The following LCORL variants were observed in gnomAD, a reference collection of about 807,000 sequenced individuals.
LCORL encodes ligand dependent nuclear receptor corepressor like.
In LCORL, 41 loss-of-function variants were observed where a neutral mutation model predicts 141.8. The ratio of observed to expected loss-of-function variants is 0.29; its 90% CI spans 0.23 to 0.38. LCORL has a LOEUF of 0.38. LCORL is among the 10% of genes least tolerant of loss of function. The pLI, the probability that LCORL is intolerant of heterozygous loss-of-function variation, is 1.00. For synonymous variants in LCORL, 618 were observed against 694.1 expected, an observed-to-expected ratio of 0.89 and a Z score of 1.72; for missense variants, 1,759 against 2,035.0, an observed-to-expected ratio of 0.86 and a Z score of 2.61.
intron 5 of LCORL, among the ~76,000 whole-genome samples, chr4:17,890,871 GTT>G (rs998219450): frequency 2.3e-4 from 35 of 152,104 alleles, no homozygotes; most frequent in African/African-American, 7.9e-4. Flanking sequence ...TTTATAAACT[GTT>G]TTCTTTCCTG....
chr4:17,975,558 G>A (rs1044321842), intron 1 of LCORL, among the ~76,000 whole-genome samples: 2 of 151,946 alleles, frequency 1.3e-5, no homozygotes, highest in Non-Finnish European at 2.9e-5. Context: ...CATCACGCCC[G>A]GCTATTTTTG....
chr4:18,003,878 T>C (rs1438116308), intron 1 of LCORL, among the ~76,000 whole-genome samples: 1 of 152,214 alleles, frequency 6.6e-6, no homozygotes, highest in Non-Finnish European at 1.5e-5. Flanking sequence ...ACTCAGTTTA[T>C]CTTGGATAAA....
At chr4:17,960,596 T>C (rs1374848056) in intron 4 of LCORL, among the ~76,000 whole-genome samples, 1 of 152,098 alleles carries the variant, frequency 6.6e-6, no homozygotes, top group Non-Finnish European at 1.5e-5. Context: ...ATTTTCTACA[T>C]TAATGTTACA....
At chr4:17,999,562 C>A (rs1721584986) in intron 1 of LCORL, among the ~76,000 whole-genome samples, 1 of 152,034 alleles carries the variant, frequency 6.6e-6, no homozygotes, top group African/African-American at 2.4e-5. Context: ...CTGTTGTTGA[C>A]CAAAATGTCT....
At chr4:17,880,251 C>T (rs1727382165) in intron 6 of LCORL, 1 of 174,292 alleles carries the variant, frequency 5.7e-6, no homozygotes, top group South Asian at 1.9e-4. Context: ...GCTTATTTGG[C>T]TTCAAACATT....
At chr4:17,962,217 A>G (rs933031215) in intron 3 of LCORL, among the ~76,000 whole-genome samples, 185 bp from the exon 4 acceptor site, 4 of 151,898 alleles carry the variant, frequency 2.6e-5, no homozygotes, top group African/African-American at 9.7e-5. Flanking sequence ...GCTCTGATAG[A>G]GAGTCAAAAT....
At chr4:17,845,584 C>A in exon 8 of LCORL, 3 of 523,136 alleles carry the variant, frequency 5.7e-6, no homozygotes, top group East Asian at 3.2e-5. Context: ...AGAATATAAT[C>A]AAAATGATTA....
intron 4 of LCORL, among the ~76,000 whole-genome samples, chr4:17,945,373 T>G (rs887510495): frequency 6.6e-6 from 1 of 151,710 alleles, no homozygotes; most frequent in Non-Finnish European, 1.5e-5. Flanking sequence ...AGTTGAGATG[T>G]TGGATTGATT....
chr4:17,958,343 T>C (rs1234263862), intron 4 of LCORL, among the ~76,000 whole-genome samples: 1 of 151,832 alleles, frequency 6.6e-6, no homozygotes, highest in East Asian at 1.9e-4. Flanking sequence ...GTTATATAGA[T>C]AGCAGTATGA....
chr4:17,904,184 A>G (rs1312892573), intron 5 of LCORL, among the ~76,000 whole-genome samples: 1 of 152,028 alleles, frequency 6.6e-6, no homozygotes, highest in Non-Finnish European at 1.5e-5. Context: ...GAATAAAAGA[A>G]TCCTATATAG....
At chr4:17,842,435 A>T in exon 8 of LCORL, 1 of 1,421,976 alleles carries the variant, frequency 7.0e-7, no homozygotes, top group Non-Finnish European at 9.9e-7. Flanking sequence ...TTATTTCTAC[A>T]AGTAGAAAAA....
In LCORL at chr4:17,991,710, C is replaced by T. The variant is rs531495778; in HGVS notation, c.155-18825G>A. Among the ~76,000 whole-genome samples the T allele has an allele frequency of 3.9e-5, 6 of 152,240 alleles. No homozygotes were observed. The East Asian group carries it at 9.7e-4, about 24-fold the overall frequency. On this transcript the variant is annotated intron_variant, in intron 1 of 7. Coordinates refer to ENST00000635767, the Ensembl canonical transcript of LCORL. ...TAAAATACAGTCACCAAATTTATTA[C>T]AAATAGACAAGAGGAAGAATATGTC...
intron 1 of LCORL, among the ~76,000 whole-genome samples, chr4:17,994,776 G>A (rs1364468033): frequency 1.1e-4 from 16 of 144,780 alleles, no homozygotes; most frequent in Middle Eastern, 7.0e-3. Context: ...GGAGTAATAG[G>A]GAAAAAAAAA....
intron 4 of LCORL, among the ~76,000 whole-genome samples, chr4:17,959,590 GTAATA>G (rs1713378825): frequency 6.6e-6 from 1 of 152,014 alleles, no homozygotes; most frequent in African/African-American, 2.4e-5. Context: ...ATTCTCAATA[GTAATA>G]GCTTATATTT....
At chr4:17,875,842 T>G in exon 7 of LCORL, 1 of 1,231,236 alleles carries the variant, frequency 8.1e-7, no homozygotes, top group Non-Finnish European at 1.0e-6. Context: ...ATATCACCTA[T>G]AAACATTGTA....
rs951217738 is a variant in LCORL at position 17,875,581 on chromosome 4, T to C, written c.3409A>G (p.Lys1137Glu). 63 of 1,231,200 alleles carry C rather than the reference T, an allele frequency of 5.1e-5. No homozygotes were observed. The African/African-American group carries it at 9.0e-4, about 18-fold the overall frequency. The allele number at this position is 1,231,200 out of a possible 1,614,324, so 76.3% of individuals were successfully genotyped here. A position where few individuals can be genotyped will look rare whatever the true frequency, so the allele number is the denominator to read the frequency against. ...ATAACAGTTACTGTAATACTCTTTT[T>C]ATAAATACCTTCTTTTACTTCTGAT... The change falls in exon 7 of 8, where the codon AAA (lysine) becomes GAA (glutamate). Residue 1137 changes from lysine (K) to glutamate (E), a missense_variant. Physicochemically the swap from Lys to Glu is moderately conservative, Grantham distance 56. Coordinates refer to ENST00000635767, the Ensembl canonical transcript of LCORL.
chr4:17,866,394 C>T (rs1019315903), intron 7 of LCORL, among the ~76,000 whole-genome samples: 3 of 152,162 alleles, frequency 2.0e-5, no homozygotes, highest in Admixed American at 1.3e-4. Flanking sequence ...AAACTTGAAC[C>T]GTGAGGGTAG....
At chr4:17,958,434 CA>C (rs1713112090) in intron 4 of LCORL, among the ~76,000 whole-genome samples, 1 of 151,912 alleles carries the variant, frequency 6.6e-6, no homozygotes, top group African/African-American at 2.4e-5. Context: ...AAAGATGAGA[CA>C]TCTTCCTGAA....
Position 17,884,440 on chromosome 4 carries a change from AC to A in LCORL, c.776+1627del. On this transcript the variant is annotated intron_variant, in intron 6 of 7. Coordinates refer to ENST00000635767, the Ensembl canonical transcript of LCORL. The surrounding 1 kb of genome is among the most constrained non-coding windows in gnomAD (Gnocchi z 4.4). ...CTGAGGTTTCAAGTAGATTGAGTTT[AC>A]TTTTTTCTGTGCGCTCTGCTTGAGC... 1 of 1,550,128 alleles carries A rather than the reference AC, an allele frequency of 6.5e-7. No homozygotes were observed. The highest frequency in any genetic ancestry group is 8.7e-7 in the Non-Finnish European group (1 of 1,146,258).
Sources: allele counts gnomAD v4.1 joint callset (sites outside exome capture counted in the v4.1 genomes callset), GRCh38; gene constraint gnomAD v4.1.1; non-coding constraint Gnocchi (gnomAD v3.1); transcripts MANE v1.5; gene names NCBI Gene and HGNC (gene_info 2026-07-23, HGNC 2026-07-21).